ITIH5: variants seen among roughly 807,000 people sequenced by gnomAD.
ITIH5 encodes the protein inter-alpha-trypsin inhibitor heavy chain H5.
Under a neutral mutation model 77.5 loss-of-function variants are expected in ITIH5, and 65 were observed. That is an observed-to-expected ratio of 0.84 (90% confidence interval 0.69 to 1.03). ITIH5 has a LOEUF of 1.03. Ranked by LOEUF, ITIH5 falls within the 50% of genes least tolerant of loss-of-function variation. The pLI is 0.00. For synonymous variants in ITIH5, 525 were observed against 494.3 expected (o/e 1.06, Z -0.82); for missense variants, 1,208 against 1,213.1 (o/e 1.00, Z 0.06).
intron 5 of ITIH5, chr10:7,617,538 C>T (rs1169329091): frequency 3.8e-6 from 1 of 265,484 alleles, no homozygotes; most frequent in Non-Finnish European, 7.0e-6. Context: ...GTAAAATGAA[C>T]CCCTGTACCC....
chr10:7,624,861 A>ATG lies in ITIH5; in HGVS notation c.653-7580_653-7579insCA, dbSNP rs1216113953. ...TGTATATACACATATATATGTGTAT[A>ATG]TATGTATATATGTATGTATATATAT... On this transcript the variant is annotated intron_variant, in intron 5 of 13. Transcript: ENST00000397146. Among the ~76,000 whole-genome samples, 124 of 102,846 alleles carry ATG rather than the reference A, an allele frequency of 1.2e-3. 2 individuals are homozygous for ATG. In the East Asian group the frequency reaches 0.016, roughly 14 times the overall value. 67.5% of individuals were successfully genotyped at this position (102,846 alleles called of 152,430 possible).
At chr10:7,607,745 C>T (rs1482583250) in intron 7 of ITIH5, among the ~76,000 whole-genome samples, 6 of 152,180 alleles carry the variant, frequency 3.9e-5, no homozygotes, top group Admixed American at 2.0e-4. Flanking sequence ...ACCCAGGAGG[C>T]GGAGGTTGCA....
At chr10:7,664,399 CAA>C (rs35992152) in intron 1 of ITIH5, among the ~76,000 whole-genome samples, 4 of 118,662 alleles carry the variant, frequency 3.4e-5, no homozygotes, top group Non-Finnish European at 1.8e-5. Context: ...GATTCCGTCT[CAA>C]AAAAAAAAAA....
chr10:7,657,510 CTT>C lies in ITIH5; in HGVS notation c.91-1837_91-1836del, dbSNP rs1206691342. 5.9e-5 allele frequency among the ~76,000 whole-genome samples: 9 copies of C among 152,026 alleles called. No individual in the cohort carries two copies. The South Asian group carries it at 1.9e-3, about 32-fold the overall frequency. Reference sequence around the variant, plus strand: ...GAACACAAAAGAAAATTCTTGGAAACTTTTAAAACAATTGCTCATAATTAGAA... The same window carrying C: ...GAACACAAAAGAAAATTCTTGGAAACTTAAAACAATTGCTCATAATTAGAA... On this transcript the variant is annotated intron_variant, in intron 1 of 13. Transcript: ENST00000397146.
Position 7,576,645 on chromosome 10 carries a change from G to C in ITIH5, c.1786C>G (p.Pro596Ala), listed in dbSNP as rs780425687. The change falls in exon 10 of 14, where the codon CCG becomes GCG. Residue 596 changes from proline to alanine, a missense_variant. Pro to Ala is a conservative substitution (Grantham distance 27). Transcript: ENST00000397146. ...LSSWLQSDDE[P>A]EKERLRQRAQ... is the part of the protein sequence containing the mutation. ...CGCTGCCGCAGCCGCTCCTTCTCCGGTTCATCGTCACTTTGCAGCCAGGAG... is the reference window on the plus strand; with the variant it reads ...CGCTGCCGCAGCCGCTCCTTCTCCGCTTCATCGTCACTTTGCAGCCAGGAG... 6.2e-7 allele frequency: 1 copy of C among 1,614,184 alleles called. No individual in the cohort carries two copies. The highest frequency in any genetic ancestry group is 8.5e-7 in the Non-Finnish European group (1 of 1,180,034).
chr10:7,666,364 T>C (rs1487645218), intron 1 of ITIH5, among the ~76,000 whole-genome samples: 1 of 151,924 alleles, frequency 6.6e-6, no homozygotes, highest in Admixed American at 6.6e-5. Flanking sequence ...GGTTTTCAGG[T>C]GGGAAAAGCT....
At chr10:7,647,238 CTGTT>C (rs1834021185) in intron 2 of ITIH5, among the ~76,000 whole-genome samples, 1 of 152,228 alleles carries the variant, frequency 6.6e-6, no homozygotes, top group African/African-American at 2.4e-5. Context: ...GCAGGCCACA[CTGTT>C]TGTAAATAAA....
chr10:7,624,380 G>A (rs1033278387), intron 5 of ITIH5, among the ~76,000 whole-genome samples: 1 of 152,144 alleles, frequency 6.6e-6, no homozygotes, highest in Admixed American at 6.5e-5. Context: ...GGTGGCGCAT[G>A]CCTGTAATCC....
intron 1 of ITIH5, among the ~76,000 whole-genome samples, chr10:7,655,887 G>A (rs1176759430): frequency 6.6e-6 from 1 of 152,178 alleles, no homozygotes; most frequent in Non-Finnish European, 1.5e-5. Flanking sequence ...GTCAGATCTG[G>A]TTGACTCTTA....
At chr10:7,579,512 C>T (rs1351099955) in intron 9 of ITIH5, among the ~76,000 whole-genome samples, 2 of 149,338 alleles carry the variant, frequency 1.3e-5, no homozygotes, top group Non-Finnish European at 3.0e-5. Flanking sequence ...GCAACAAGAG[C>T]GAAACTCCAT....
At chr10:7,653,854 T>G (rs896452190) in intron 2 of ITIH5, among the ~76,000 whole-genome samples, 14 of 152,062 alleles carry the variant, frequency 9.2e-5, no homozygotes, top group Non-Finnish European at 2.1e-4. Context: ...CTCAAATAAT[T>G]GTTATAAGAG....
intron 9 of ITIH5, among the ~76,000 whole-genome samples, chr10:7,579,499 T>C: frequency 6.6e-6 from 1 of 150,968 alleles, no homozygotes; most frequent in East Asian, 1.9e-4. Context: ...CATTGCAGCC[T>C]GGGCAACAAG....
intron 5 of ITIH5, among the ~76,000 whole-genome samples, chr10:7,632,551 A>G (rs888790365): frequency 2.6e-5 from 4 of 152,260 alleles, no homozygotes; most frequent in African/African-American, 9.6e-5. Flanking sequence ...AAAAATAATC[A>G]GCATTATTCT....
intron 7 of ITIH5, among the ~76,000 whole-genome samples, chr10:7,613,054 G>A (rs530060611): frequency 6.6e-6 from 1 of 152,228 alleles, no homozygotes; most frequent in East Asian, 1.9e-4. Context: ...AGACCAGCCT[G>A]GCCAACATGG....
intron 7 of ITIH5, among the ~76,000 whole-genome samples, chr10:7,591,586 C>T (rs1332559490): frequency 1.3e-5 from 2 of 152,180 alleles, no homozygotes; most frequent in African/African-American, 4.8e-5. Flanking sequence ...TCCCCAAGAC[C>T]CTTGCACCTG....
intron 10 of ITIH5, among the ~76,000 whole-genome samples, chr10:7,573,698 A>T (rs1832351662): frequency 6.6e-6 from 1 of 151,760 alleles, no homozygotes; most frequent in African/African-American, 2.4e-5. Flanking sequence ...AAAGGAAAAA[A>T]AAGAATAGAA....
At chr10:7,572,328 T>A in intron 11 of ITIH5, 1 of 1,367,684 alleles carries the variant, frequency 7.3e-7, no homozygotes, top group Non-Finnish European at 9.8e-7. Context: ...TTTATTATAG[T>A]TCCAGGATGC....
chr10:7,622,307 A>T (rs1171653160), intron 5 of ITIH5: 1 of 152,226 alleles, frequency 6.6e-6, no homozygotes, highest in Non-Finnish European at 1.5e-5. Context: ...GTGTGACTGA[A>T]TCAAAACGAC....
At chr10:7,606,534 T>C (rs577057032) in intron 7 of ITIH5, among the ~76,000 whole-genome samples, 10 of 152,252 alleles carry the variant, frequency 6.6e-5, no homozygotes, top group Non-Finnish European at 1.3e-4. Flanking sequence ...CCCTCACTTA[T>C]AAGTGGGAGC....
Sources: gnomAD v4.1 joint callset for allele counts (sites outside exome capture counted in the v4.1 genomes callset) on GRCh38, gnomAD v4.1.1 for gene constraint, MANE v1.5 for transcripts, NCBI Gene and HGNC (gene_info 2026-07-23, HGNC 2026-07-21) for gene names.